Variants in SLC29A4 observed in about 807,000 individuals in gnomAD.
The protein encoded by SLC29A4 is equilibrative nucleoside transporter 4.
In SLC29A4, 36 loss-of-function variants were observed where a neutral mutation model predicts 43.9. The observed-to-expected ratio is 0.82, with a 90% CI of 0.63 to 1.08. The LOEUF (loss-of-function observed/expected upper bound fraction) is 1.08, where lower values mean the gene tolerates loss of function less well. SLC29A4 is among the 50% of genes least tolerant of loss of function. The pLI is 0.00. For synonymous variants in SLC29A4, 491 were observed against 338.0 expected (o/e 1.45, Z -4.97); for missense variants, 869 against 755.3 (o/e 1.15, Z -1.77).
In SLC29A4 at chr7:5,300,547, C is replaced by T. The variant is rs146929623; in HGVS notation, c.1335C>T (p.His445=). The change falls in exon 10 of 11, where the codon CAC becomes CAT. Residue 445 remains histidine, a synonymous_variant. Coordinates refer to ENST00000396872, the MANE Select transcript of SLC29A4 (RefSeq NM_153247.4). ...CCAGCGGCATGCCCGCCCTCCGTCA[C>T]CCCGCCTGGCCCTGCATCTTCTCAC... ...VYPSGMPALR[H]PAWPCIFSLL... is the part of the protein sequence containing the mutation. The T allele has an allele frequency of 3.8e-5, 61 of 1,612,244 alleles. No individual in the cohort carries two copies. Among genetic ancestry groups the T allele is most frequent in the Non-Finnish European group, 4.9e-5 (58 of 1,179,754 alleles).
intron 1 of SLC29A4, among the ~76,000 whole-genome samples, chr7:5,283,380 C>G (rs918622014): frequency 1.3e-4 from 19 of 151,810 alleles, no homozygotes; most frequent in Non-Finnish European, 2.4e-4. Flanking sequence ...CCTCCCCGGA[C>G]CCCCCCGCGC....
intron 9 of SLC29A4, among the ~76,000 whole-genome samples, chr7:5,299,661 C>T (rs1484403858): frequency 6.6e-6 from 1 of 152,216 alleles, no homozygotes; most frequent in African/African-American, 2.4e-5. Context: ...CAGGCGTGGC[C>T]CTCACCCTCT....
intron 2 of SLC29A4, 144 bp from the exon 3 acceptor site, chr7:5,290,588 G>C: frequency 9.1e-7 from 1 of 1,093,972 alleles, no homozygotes; most frequent in Non-Finnish European, 1.3e-6. Context: ...AGATGACAGA[G>C]GTATCTGGAA....
In SLC29A4 at chr7:5,297,075, G is replaced by A; in HGVS notation, c.759G>A (p.Arg253=). ...LLCFLLHLLV[R]RSRFVLFYTT... ...GTTTCCTGCTGCACCTGTTAGTGCG[G>A]CGCAGCCGCTTCGTGCTCTTCTATA... The change falls in exon 7 of 11, where the codon CGG becomes CGA. Residue 253 remains arginine, a synonymous_variant. Transcript: ENST00000396872. 1 of 1,607,958 alleles carries A rather than the reference G, an allele frequency of 6.2e-7. No individual in the cohort carries two copies. Among genetic ancestry groups the A allele is most frequent in the Non-Finnish European group, 8.5e-7 (1 of 1,179,740 alleles).
At chr7:5,288,422 A>G (rs985263287) in intron 2 of SLC29A4, among the ~76,000 whole-genome samples, 1 of 144,130 alleles carries the variant, frequency 6.9e-6, no homozygotes, top group Non-Finnish European at 1.5e-5. Flanking sequence ...CTCCTGCCTC[A>G]GCCTCCCAAG....
At chr7:5,295,231 G>C (rs1785569550) in intron 6 of SLC29A4, among the ~76,000 whole-genome samples, 1 of 151,858 alleles carries the variant, frequency 6.6e-6, no homozygotes, top group South Asian at 2.1e-4. Flanking sequence ...CTGGGTGTGT[G>C]TTTGGTAAGT....
chr7:5,285,991 C>G (rs1036056148), intron 1 of SLC29A4, among the ~76,000 whole-genome samples: 2 of 151,848 alleles, frequency 1.3e-5, no homozygotes, highest in African/African-American at 2.4e-5. Context: ...GCCTTGGCAA[C>G]AAAGCGAGAC....
chr7:5,296,283 C>T (rs1276592853), intron 6 of SLC29A4, among the ~76,000 whole-genome samples: 1 of 151,754 alleles, frequency 6.6e-6, no homozygotes. Context: ...TTGCATCCAT[C>T]CTCTTCCCAC....
In SLC29A4 at chr7:5,291,152, C is replaced by T; in HGVS notation, c.330C>T (p.Leu110=). 1 of 1,613,988 alleles carries T rather than the reference C, an allele frequency of 6.2e-7. No individual in the cohort carries two copies. Among genetic ancestry groups the T allele is most frequent in the Non-Finnish European group, 8.5e-7 (1 of 1,180,028 alleles). ...CCTCCATCGTGTTTGACATGAGCCT[C>T]ACCTACATCTTGGTGGCACTGGCAG... ...PGTSIVFDMS[L]TYILVALAAV... is the part of the protein sequence containing the mutation. Residue 110 remains leucine (L), a synonymous_variant, in exon 4 of 11, where the codon CTC becomes CTT. Transcript: ENST00000396872.
chr7:5,296,933 C>G lies in SLC29A4; in HGVS notation c.620-3C>G. 2.6e-6 allele frequency: 4 copies of G among 1,527,848 alleles called. No homozygotes were observed. The South Asian group carries it at 3.4e-5, about 13-fold the overall frequency. 94.6% of individuals were successfully genotyped at this position (1,527,848 alleles called of 1,614,324 possible). The stretch of plus-strand genomic sequence containing the variant: ...GCCCCGGCCCACTGTGCACGCCCCC[C>G]AGGCACGGCGGGCGTGATGATCTCT... On this transcript the variant is annotated splice_polypyrimidine_tract_variant and splice_region_variant and intron_variant, in intron 6 of 10. Coordinates refer to ENST00000396872, the MANE Select transcript of SLC29A4 (RefSeq NM_153247.4).
At chr7:5,294,736 G>C (rs937248293) in intron 5 of SLC29A4, 124 bp from the exon 6 acceptor site, 7 of 924,336 alleles carry the variant, frequency 7.6e-6, no homozygotes, top group Non-Finnish European at 1.2e-5. Context: ...AAATCTCTCT[G>C]CCATTAGTGG....
chr7:5,300,323 G>T (rs559568004), intron 9 of SLC29A4, 99 bp from the exon 10 acceptor site: 969 of 1,567,894 alleles, frequency 6.2e-4, no homozygotes, highest in Middle Eastern at 9.3e-4. Flanking sequence ...ACAGGCCCAG[G>T]AGTGTTTAGG....
chr7:5,288,967 A>T (rs1185327198), intron 2 of SLC29A4, among the ~76,000 whole-genome samples: 1 of 151,988 alleles, frequency 6.6e-6, no homozygotes, highest in Non-Finnish European at 1.5e-5. Flanking sequence ...GAAAAGGGAG[A>T]TGATACTGTG....
rs397709429 is a variant in SLC29A4, at chr7:5,306,888, A to AC, written c.*3951dup. The AC allele has an allele frequency of 6.0e-5, 9 of 150,388 alleles. No individual in the cohort carries two copies. Among genetic ancestry groups the AC allele is most frequent in the East Asian group, 3.9e-4 (2 of 5,124 alleles). The allele number at this position is 150,388 out of a possible 1,614,324, so 9.3% of individuals were successfully genotyped here. A position where few individuals can be genotyped will look rare whatever the true frequency, so the allele number is the denominator to read the frequency against. On this transcript the variant is annotated 3_prime_UTR_variant, in exon 11 of 11. Transcript: ENST00000396872. ...TTCCAAAAGAAACATAAAAAAAAAA[A>AC]CCAATAATTCCCCCAAAAAACAAAC...
chr7:5,288,491 A>G (rs1343135180), intron 2 of SLC29A4, among the ~76,000 whole-genome samples: 2 of 151,428 alleles, frequency 1.3e-5, no homozygotes, highest in African/African-American at 4.9e-5. Context: ...TTTTTAGTAG[A>G]GACGGGGTTT....
chr7:5,296,712 C>T (rs1282421083), intron 6 of SLC29A4, among the ~76,000 whole-genome samples: 1 of 131,244 alleles, frequency 7.6e-6, no homozygotes, highest in South Asian at 2.6e-4. Flanking sequence ...GGTCTGGTTG[C>T]GGGAGTGGGG....
chr7:5,298,474 T>C (rs577895188), intron 7 of SLC29A4, among the ~76,000 whole-genome samples: 1 of 152,072 alleles, frequency 6.6e-6, no homozygotes, highest in African/African-American at 2.4e-5. Flanking sequence ...ACAGGAATGA[T>C]GAGATGGAAT....
chr7:5,296,662 C>A (rs1785687474), intron 6 of SLC29A4, among the ~76,000 whole-genome samples: 1 of 143,474 alleles, frequency 7.0e-6, no homozygotes, highest in South Asian at 2.4e-4. Flanking sequence ...GGCAGCTGGG[C>A]CACTCATTGT....
At position 5,299,430 on chromosome 7, in the gene SLC29A4, G is replaced by A; in HGVS notation, c.1209+3G>A. On this transcript the variant is annotated splice_donor_region_variant and intron_variant, in intron 9 of 10. Transcript: ENST00000396872. Reference sequence around the variant, plus strand: ...ACCTGTCAGACTTCGTGGGCAAGGTGGGCTGCCTGCCCTGCCCGGTGTCGG... The same window carrying A: ...ACCTGTCAGACTTCGTGGGCAAGGTAGGCTGCCTGCCCTGCCCGGTGTCGG... 1.9e-6 allele frequency: 3 copies of A among 1,609,574 alleles called. No individual in the cohort carries two copies. The highest frequency in any genetic ancestry group is 2.5e-6 in the Non-Finnish European group (3 of 1,178,128).
Sources: gnomAD v4.1 joint callset for allele counts (sites outside exome capture counted in the v4.1 genomes callset) on GRCh38, gnomAD v4.1.1 for gene constraint, MANE v1.5 for transcripts, NCBI Gene and HGNC (gene_info 2026-07-23, HGNC 2026-07-21) for gene names.